The following CADPS2 variants were observed in gnomAD, a reference collection of about 807,000 sequenced individuals.
CADPS2 encodes the protein calcium dependent secretion activator 2, also known as calcium-dependent secretion activator 2.
CADPS2 carries 93 observed loss-of-function variants against 172.5 expected under a neutral mutation model. The ratio of observed to expected loss-of-function variants is 0.54; its 90% CI spans 0.46 to 0.64. The LOEUF (loss-of-function observed/expected upper bound fraction) is 0.64. Among genes scored for constraint, CADPS2 ranks in the 30% least tolerant of loss-of-function variants. CADPS2 has a pLI of 0.00. For missense variants in CADPS2, 1,420 were observed against 1,565.9 expected (o/e 0.91, Z 1.57); for synonymous variants, 546 against 555.2 (o/e 0.98, Z 0.23).
intron 28 of CADPS2, among the ~76,000 whole-genome samples, chr7:122,333,215 T>C (rs990873905): frequency 1.5e-4 from 23 of 152,222 alleles, no homozygotes; most frequent in African/African-American, 5.1e-4. Context: ...CTGGTAAATA[T>C]TGCTTTTTAA....
intron 2 of CADPS2, among the ~76,000 whole-genome samples, chr7:122,735,793 A>G (rs1016450188): frequency 6.6e-6 from 1 of 152,168 alleles, no homozygotes; most frequent in African/African-American, 2.4e-5. Context: ...CATTTCCTTC[A>G]TCCCAAATAC....
intron 8 of CADPS2, among the ~76,000 whole-genome samples, chr7:122,549,243 A>G (rs1409529977): frequency 1.3e-5 from 2 of 152,122 alleles, no homozygotes; most frequent in African/African-American, 2.4e-5. Context: ...CCCTGTCTCT[A>G]ATACAAAAAA....
intron 1 of CADPS2, among the ~76,000 whole-genome samples, chr7:122,837,686 G>T (rs1044865611): frequency 3.9e-5 from 6 of 152,096 alleles, no homozygotes; most frequent in South Asian, 2.1e-4. Flanking sequence ...TACAAGAAAT[G>T]GATAAATTCC....
intron 2 of CADPS2, among the ~76,000 whole-genome samples, chr7:122,686,944 C>A (rs754539622): frequency 1.3e-5 from 2 of 152,162 alleles, no homozygotes; most frequent in Non-Finnish European, 2.9e-5. Context: ...CTCAGCTTCC[C>A]ACAGTGCTGG....
chr7:122,659,782 A>AT (rs2135279759), intron 3 of CADPS2, among the ~76,000 whole-genome samples: 1 of 152,322 alleles, frequency 6.6e-6, no homozygotes, highest in South Asian at 2.1e-4. Flanking sequence ...CCTTACCTCT[A>AT]AAGAGTAAAG....
chr7:122,570,236 A>G (rs532542456), intron 7 of CADPS2, among the ~76,000 whole-genome samples: 3 of 152,262 alleles, frequency 2.0e-5, no homozygotes, highest in East Asian at 1.9e-4. Flanking sequence ...ATGAACAGAC[A>G]CTTCTCAAAA....
intron 1 of CADPS2, among the ~76,000 whole-genome samples, chr7:122,756,441 G>A (rs1193116191): frequency 6.6e-6 from 1 of 152,000 alleles, no homozygotes; most frequent in Non-Finnish European, 1.5e-5. Context: ...CATTTCTTAG[G>A]AAAGAGATGT....
At chr7:122,612,150 A>C (rs533704090) in intron 6 of CADPS2, among the ~76,000 whole-genome samples, 4 of 152,156 alleles carry the variant, frequency 2.6e-5, no homozygotes, top group Admixed American at 2.0e-4. Flanking sequence ...ATCAGGAACA[A>C]CACCAACATG....
At chr7:122,702,631 A>C (rs1274698732) in intron 2 of CADPS2, 1 of 1,613,538 alleles carries the variant, frequency 6.2e-7, no homozygotes, top group South Asian at 1.1e-5. Flanking sequence ...TATTCAGGTG[A>C]GCTGTCCAAA....
At chr7:122,423,713 T>C (rs761951666) in intron 17 of CADPS2, among the ~76,000 whole-genome samples, 10 of 152,130 alleles carry the variant, frequency 6.6e-5, no homozygotes, top group Non-Finnish European at 1.5e-4. Flanking sequence ...TTTCTTGGCT[T>C]AAGCATGCAT....
chr7:122,784,842 G>A (rs1400422656), intron 1 of CADPS2, among the ~76,000 whole-genome samples: 1 of 151,958 alleles, frequency 6.6e-6, no homozygotes, highest in Non-Finnish European at 1.5e-5. Context: ...TTACTTTGCG[G>A]GCCAAAATCT....
At chr7:122,578,857 A>C (rs984078814) in intron 7 of CADPS2, among the ~76,000 whole-genome samples, 1 of 152,106 alleles carries the variant, frequency 6.6e-6, no homozygotes, top group Non-Finnish European at 1.5e-5. Context: ...GATATTAATA[A>C]ATGGATGGAT....
chr7:122,826,809 A>G (rs1805025584), intron 1 of CADPS2, among the ~76,000 whole-genome samples: 1 of 152,114 alleles, frequency 6.6e-6, no homozygotes, highest in Admixed American at 6.5e-5. Flanking sequence ...CTGAAAGGAA[A>G]ATTTGTAGCA....
intron 28 of CADPS2, among the ~76,000 whole-genome samples, chr7:122,327,148 C>T (rs187113463): frequency 5.5e-4 from 84 of 152,136 alleles, no homozygotes; most frequent in Admixed American, 4.6e-4. Flanking sequence ...AGTAAACTTC[C>T]AGTAAATTCA....
At chr7:122,698,036 TG>T in intron 2 of CADPS2, 1 of 1,613,630 alleles carries the variant, frequency 6.2e-7, no homozygotes, top group Non-Finnish European at 8.5e-7. Context: ...CATTTGCAAA[TG>T]GGGCATGTCC....
chr7:122,498,254 C>T (rs2058915107), intron 9 of CADPS2, among the ~76,000 whole-genome samples: 1 of 152,080 alleles, frequency 6.6e-6, no homozygotes, highest in South Asian at 2.1e-4. Context: ...AGCCTATTTG[C>T]CTCTTCTTTA....
At position 122,393,199 on chromosome 7, in the gene CADPS2, G is replaced by T; in HGVS notation, c.3005C>A (p.Ser1002Tyr). The T allele has an allele frequency of 6.2e-7, 1 of 1,613,514 alleles. No individual in the cohort carries two copies. Among genetic ancestry groups the T allele is most frequent in the South Asian group, 1.1e-5 (1 of 91,004 alleles). Residue 1002 changes from serine (S) to tyrosine (Y), a missense_variant, in exon 22 of 30, where the codon TCC becomes TAC. By Grantham distance (144) the Ser-to-Tyr change is moderately radical. Transcript: ENST00000449022. ...GAAATAAGTGAGGAATACACACGTG[G>T]ACTCATATAAAGAAGGCATCCACGA... ...TASWMPSLYE[S>Y]TNGSATSEDL...
At chr7:122,583,782 TAACA>T (rs2069201638) in intron 6 of CADPS2, among the ~76,000 whole-genome samples, 1 of 151,216 alleles carries the variant, frequency 6.6e-6, no homozygotes, top group African/African-American at 2.4e-5. Flanking sequence ...ATCATATACA[TAACA>T]TACATATCAT....
intron 2 of CADPS2, among the ~76,000 whole-genome samples, chr7:122,716,263 C>T (rs2089583520): frequency 6.6e-6 from 1 of 152,080 alleles, no homozygotes; most frequent in Non-Finnish European, 1.5e-5. Context: ...AAGCCTGCCT[C>T]GGACCTTACT....
Sources: allele counts gnomAD v4.1 joint callset (sites outside exome capture counted in the v4.1 genomes callset), GRCh38; gene constraint gnomAD v4.1.1; transcripts MANE v1.5; gene names NCBI Gene and HGNC (gene_info 2026-07-23, HGNC 2026-07-21).